Variants in ASPRV1 observed in about 807,000 individuals in gnomAD.
ASPRV1 encodes aspartic peptidase retroviral like 1.
In ASPRV1, 7 loss-of-function variants were observed where a neutral mutation model predicts 11.0. That is an observed-to-expected ratio of 0.64 (90% CI 0.36 to 1.20). The LOEUF is 1.20. Ranked by LOEUF, ASPRV1 falls within the 50% of genes most tolerant of loss-of-function variation. The pLI is 0.02. For missense variants in ASPRV1, 299 were observed against 320.0 expected (o/e 0.93, Z 0.50); for synonymous variants, 136 against 138.4 (o/e 0.98, Z 0.12).
At chr2:70,001,961 G>A in the ASPRV1 span, among the ~76,000 whole-genome samples, 4,046 of 152,120 alleles carry the variant, frequency 0.027, 180 homozygotes, top group African/African-American at 0.091. Flanking sequence ...TATAAAAAGC[G>A]AGTCATAGAA....
At chr2:69,946,514 C>G in the ASPRV1 span, among the ~76,000 whole-genome samples, 1 of 152,196 alleles carries the variant, frequency 6.6e-6, no homozygotes, top group Admixed American at 6.5e-5. Flanking sequence ...AGCTTTTCCC[C>G]ATGCCTGACA....
the ASPRV1 span, among the ~76,000 whole-genome samples, chr2:70,006,548 G>C: frequency 6.6e-6 from 1 of 152,264 alleles, no homozygotes; most frequent in South Asian, 2.1e-4. Context: ...GCCTCGGTTA[G>C]AGGGCATAAG....
At chr2:70,027,231 C>A in the ASPRV1 span, among the ~76,000 whole-genome samples, 127 of 128,358 alleles carry the variant, frequency 9.9e-4, no homozygotes, top group African/African-American at 3.6e-3. Context: ...TGCACTCAGC[C>A]TGGGCGACAG....
the ASPRV1 span, among the ~76,000 whole-genome samples, chr2:70,073,937 T>C: frequency 3.3e-5 from 5 of 151,566 alleles, no homozygotes; most frequent in Non-Finnish European, 1.5e-5. Flanking sequence ...ATGGAGACCA[T>C]CCTGGCTAAC....
chr2:70,057,831 G>A, the ASPRV1 span, among the ~76,000 whole-genome samples: 1 of 148,946 alleles, frequency 6.7e-6, no homozygotes, highest in African/African-American at 2.5e-5. Context: ...GTCTCGCTCT[G>A]TGGCTAGGCT....
the ASPRV1 span, among the ~76,000 whole-genome samples, chr2:70,051,516 A>G: frequency 1.3e-5 from 2 of 152,244 alleles, no homozygotes; most frequent in South Asian, 2.1e-4. Flanking sequence ...AAAGATGTAT[A>G]TATCAAGTGT....
chr2:70,046,958 G>A, the ASPRV1 span, among the ~76,000 whole-genome samples: 2 of 152,012 alleles, frequency 1.3e-5, no homozygotes, highest in Non-Finnish European at 2.9e-5. Flanking sequence ...AAATACATAC[G>A]GAGGGATGAA....
the ASPRV1 span, chr2:69,975,942 A>G: frequency 6.6e-6 from 1 of 152,546 alleles, no homozygotes; most frequent in Non-Finnish European, 1.5e-5. Flanking sequence ...TCCTTGCTCA[A>G]AAGTCATGGG....
chr2:69,949,854 C>T, the ASPRV1 span, among the ~76,000 whole-genome samples: 2 of 152,150 alleles, frequency 1.3e-5, no homozygotes, highest in African/African-American at 4.8e-5. Context: ...CTCACTCTTT[C>T]GTCCAGGCTG....
At chr2:69,972,927 G>A in the ASPRV1 span, among the ~76,000 whole-genome samples, 1 of 151,812 alleles carries the variant, frequency 6.6e-6, no homozygotes, top group Non-Finnish European at 1.5e-5. Context: ...TCCACCTGAG[G>A]CCCCCTCCAA....
In ASPRV1 at chr2:69,960,788, G is replaced by A. The variant is rs963601402; in HGVS notation, c.649C>T (p.Arg217Cys). ...DHNAILDFEH[R>C]TCTLKGKKFR... ...TTCTTCCCTTTCAGGGTGCATGTGC[G>A]GTGCTCAAAGTCCAGGATAGCATTG... Residue 217 changes from arginine to cysteine, a missense_variant, in exon 1 of 1, where the codon CGC becomes TGC. Transcript: ENST00000320256. 5.6e-6 allele frequency: 9 copies of A among 1,613,934 alleles called. No individual in the cohort carries two copies. The highest frequency in any genetic ancestry group is 6.8e-6 in the Non-Finnish European group (8 of 1,180,008).
At chr2:69,994,502 G>A in the ASPRV1 span, among the ~76,000 whole-genome samples, 2 of 152,300 alleles carry the variant, frequency 1.3e-5, no homozygotes, top group East Asian at 3.9e-4. Flanking sequence ...AAGGAACCCG[G>A]GGTGCAGCAT....
At chr2:70,054,546 C>T in the ASPRV1 span, among the ~76,000 whole-genome samples, 1 of 151,814 alleles carries the variant, frequency 6.6e-6, no homozygotes, top group Non-Finnish European at 1.5e-5. Context: ...CACTGCACTC[C>T]AGCCTGGGTG....
At chr2:69,946,131 A>G in the ASPRV1 span, among the ~76,000 whole-genome samples, 1 of 152,274 alleles carries the variant, frequency 6.6e-6, no homozygotes, top group African/African-American at 2.4e-5. Flanking sequence ...GTTTAGTTAC[A>G]AGCAGAACAT....
chr2:70,076,132 T>TA, the ASPRV1 span, among the ~76,000 whole-genome samples: 2 of 152,174 alleles, frequency 1.3e-5, no homozygotes, highest in Non-Finnish European at 2.9e-5. Flanking sequence ...GCTACACTGA[T>TA]AAGATGCTTA....
chr2:69,973,581 C>T, the ASPRV1 span, among the ~76,000 whole-genome samples: 23 of 152,278 alleles, frequency 1.5e-4, no homozygotes, highest in African/African-American at 5.3e-4. Flanking sequence ...CTCCTGGCCT[C>T]GAGCAATCCT....
the ASPRV1 span, among the ~76,000 whole-genome samples, chr2:70,013,739 G>C: frequency 1.3e-5 from 2 of 152,062 alleles, no homozygotes; most frequent in African/African-American, 4.8e-5. Context: ...AAATTAGCCG[G>C]GTGTGGTGGT....
the ASPRV1 span, among the ~76,000 whole-genome samples, chr2:69,967,245 C>G: frequency 6.6e-6 from 1 of 152,206 alleles, no homozygotes; most frequent in Admixed American, 6.5e-5. Context: ...GAGACAGACT[C>G]CAACCTAGCT....
the ASPRV1 span, among the ~76,000 whole-genome samples, chr2:69,981,724 T>G: frequency 6.6e-6 from 1 of 152,222 alleles, no homozygotes; most frequent in African/African-American, 2.4e-5. Context: ...GCTCAGCTAA[T>G]TTTTTTGTAT....
Sources: gnomAD v4.1 joint callset for allele counts (sites outside exome capture counted in the v4.1 genomes callset) on GRCh38, gnomAD v4.1.1 for gene constraint, MANE v1.5 for transcripts, NCBI Gene and HGNC (gene_info 2026-07-23, HGNC 2026-07-21) for gene names.